EPHA6: variants seen among roughly 807,000 people sequenced by gnomAD.
EPHA6 encodes ephrin type-A receptor 6.
Under a neutral mutation model 112.0 loss-of-function variants are expected in EPHA6, and 50 were observed. The ratio of observed to expected loss-of-function variants is 0.45; its 90% confidence interval spans 0.36 to 0.56. EPHA6 has a LOEUF of 0.56. Ranked by LOEUF, EPHA6 falls within the 20% of genes least tolerant of loss-of-function variation. The pLI is 0.00. For synonymous variants in EPHA6, 529 were observed against 490.7 expected (o/e 1.08, Z -1.03); for missense variants, 1,280 against 1,417.4 (o/e 0.90, Z 1.56).
At chr3:96,915,556 C>G (rs1205355845) in intron 2 of EPHA6, among the ~76,000 whole-genome samples, 1 of 151,950 alleles carries the variant, frequency 6.6e-6, no homozygotes. Context: ...TGTTATTCTC[C>G]GTTTACAGAT....
intron 3 of EPHA6, among the ~76,000 whole-genome samples, chr3:97,198,280 T>C (rs1159105259): frequency 2.0e-5 from 3 of 152,118 alleles, no homozygotes; most frequent in Admixed American, 1.3e-4. Context: ...TTTTAAGGCA[T>C]TGTGGTATTT....
chr3:97,196,769 C>G (rs1429727799), intron 3 of EPHA6, among the ~76,000 whole-genome samples: 2 of 128,056 alleles, frequency 1.6e-5, no homozygotes, highest in East Asian at 4.7e-4. Context: ...TGGGTAAGAT[C>G]CGAATGAATT....
intron 14 of EPHA6, among the ~76,000 whole-genome samples, chr3:97,659,970 C>G (rs1459151649): frequency 6.6e-6 from 1 of 151,914 alleles, no homozygotes; most frequent in Non-Finnish European, 1.5e-5. Flanking sequence ...TAGTATCATA[C>G]AGGAAACTAT....
chr3:97,090,054 T>C (rs185639483), intron 3 of EPHA6, among the ~76,000 whole-genome samples: 25 of 152,188 alleles, frequency 1.6e-4, no homozygotes, highest in African/African-American at 6.0e-4. Context: ...ATTATTATAA[T>C]TGCTATTCAT....
At chr3:97,597,340 G>C (rs947889453) in intron 12 of EPHA6, among the ~76,000 whole-genome samples, 1 of 152,142 alleles carries the variant, frequency 6.6e-6, no homozygotes, top group African/African-American at 2.4e-5. Flanking sequence ...CAAAGATAGC[G>C]TGAGACTTCC....
intron 5 of EPHA6, among the ~76,000 whole-genome samples, chr3:97,398,782 C>T (rs552735238): frequency 6.6e-6 from 1 of 151,522 alleles, no homozygotes; most frequent in East Asian, 1.9e-4. Flanking sequence ...TCCTTGTCAA[C>T]ATAAAAGTAT....
At chr3:97,165,567 G>C (rs1434089142) in intron 3 of EPHA6, among the ~76,000 whole-genome samples, 1 of 152,076 alleles carries the variant, frequency 6.6e-6, no homozygotes, top group East Asian at 1.9e-4. Flanking sequence ...CTGGTAAAGA[G>C]CAGAAAAGAG....
intron 6 of EPHA6, among the ~76,000 whole-genome samples, chr3:97,405,634 T>C (rs529306257): frequency 6.6e-6 from 1 of 152,254 alleles, no homozygotes; most frequent in East Asian, 1.9e-4. Flanking sequence ...AATATTGAAT[T>C]ACTATAACCT....
At chr3:97,034,752 A>G (rs1020970363) in intron 3 of EPHA6, among the ~76,000 whole-genome samples, 1 of 151,994 alleles carries the variant, frequency 6.6e-6, no homozygotes, top group Non-Finnish European at 1.5e-5. Context: ...ACACACACAC[A>G]TACACATACA....
intron 3 of EPHA6, among the ~76,000 whole-genome samples, chr3:97,050,502 A>T (rs1424161121): frequency 6.6e-6 from 1 of 152,188 alleles, no homozygotes. Context: ...GTTTTTCAAA[A>T]ATATGTTTCC....
At chr3:97,187,359 C>A (rs376319454) in intron 3 of EPHA6, among the ~76,000 whole-genome samples, 6 of 151,962 alleles carry the variant, frequency 3.9e-5, no homozygotes, top group African/African-American at 1.2e-4. Context: ...CACTTGACAT[C>A]AGGAGTTCAA....
chr3:97,496,591 C>T lies in EPHA6; in HGVS notation c.2200+12532C>T, dbSNP rs142657261. On this transcript the variant is annotated intron_variant, in intron 10 of 17. Transcript: ENST00000389672. Reference sequence around the variant, plus strand: ...AGCCATACTTCTATAAGAATATCTTCTTCTGGCACTTGTACAACTGATAAT... The same window carrying T: ...AGCCATACTTCTATAAGAATATCTTTTTCTGGCACTTGTACAACTGATAAT... Among the ~76,000 whole-genome samples, 347 of 152,212 alleles carry T rather than the reference C, an allele frequency of 2.3e-3. 2 individuals carry two copies. Among genetic ancestry groups the T allele is most frequent in the African/African-American group, 7.7e-3 (319 of 41,540 alleles).
intron 1 of EPHA6, among the ~76,000 whole-genome samples, chr3:96,865,938 C>A (rs2036284764): frequency 6.6e-6 from 1 of 151,906 alleles, no homozygotes; most frequent in Non-Finnish European, 1.5e-5. Flanking sequence ...CTTTCCCAAT[C>A]GTTTCTATCA....
chr3:96,939,908 C>A (rs572816397), intron 2 of EPHA6, among the ~76,000 whole-genome samples: 2 of 152,016 alleles, frequency 1.3e-5, no homozygotes, highest in Non-Finnish European at 2.9e-5. Context: ...TGTAGTTGAG[C>A]GGTTTTGAGT....
chr3:96,986,066 A>G (rs2043011321), intron 2 of EPHA6, among the ~76,000 whole-genome samples: 1 of 152,188 alleles, frequency 6.6e-6, no homozygotes, highest in African/African-American at 2.4e-5. Context: ...TTTCCCAAAA[A>G]TGCCATAAGG....
At chr3:96,982,090 C>G (rs549358676) in intron 2 of EPHA6, among the ~76,000 whole-genome samples, 2 of 152,248 alleles carry the variant, frequency 1.3e-5, no homozygotes, top group East Asian at 3.9e-4. Context: ...TTCTTGCCTT[C>G]TGCTAGCTTT....
chr3:97,145,830 C>T (rs1576569393), intron 3 of EPHA6, among the ~76,000 whole-genome samples: 1 of 151,166 alleles, frequency 6.6e-6, no homozygotes, highest in East Asian at 1.9e-4. Context: ...TAAGAGATAG[C>T]AAAATGCATC....
chr3:97,541,727 G>GTTTTTTTTTTTTTTTTTTGT (rs59024112), intron 11 of EPHA6, among the ~76,000 whole-genome samples: 2 of 131,896 alleles, frequency 1.5e-5, no homozygotes, highest in Non-Finnish European at 3.4e-5. Flanking sequence ...TCTTTTTTTT[G>GTTTTTTTTTTTTTTTTTTGT]TTTTTTTTTT....
chr3:97,029,117 A>G (rs1240034355), intron 3 of EPHA6, among the ~76,000 whole-genome samples: 1 of 151,722 alleles, frequency 6.6e-6, no homozygotes, highest in East Asian at 1.9e-4. Flanking sequence ...TATGCATGGA[A>G]TAGCCTACTC....
Sources: allele counts gnomAD v4.1 joint callset (sites outside exome capture counted in the v4.1 genomes callset), GRCh38; gene constraint gnomAD v4.1.1; transcripts MANE v1.5; gene names NCBI Gene and HGNC (gene_info 2026-07-23, HGNC 2026-07-21).